Variants in ICE1 observed in about 807,000 individuals in gnomAD.
ICE1 encodes the protein little elongation complex subunit 1.
In ICE1, 64 loss-of-function variants were observed where a neutral mutation model predicts 192.7. The ratio of observed to expected loss-of-function variants is 0.33; its 90% CI spans 0.27 to 0.41. ICE1 has a LOEUF of 0.41. Ranked by LOEUF, ICE1 falls within the 10% of genes least tolerant of loss-of-function variation. The pLI, the probability that ICE1 is intolerant of heterozygous loss-of-function variation, is 1.00. For missense variants in ICE1, 2,708 were observed against 2,696.0 expected (o/e 1.00, Z -0.10); for synonymous variants, 1,010 against 984.5 (o/e 1.03, Z -0.49).
At chr5:5,482,140 G>A (rs1433364979) in intron 17 of ICE1, among the ~76,000 whole-genome samples, 1 of 152,190 alleles carries the variant, frequency 6.6e-6, no homozygotes, top group African/African-American at 2.4e-5. Flanking sequence ...AAAGAAGGAT[G>A]TGTAATTGTA....
rs1042855962 is a variant in ICE1 at position 5,463,403 on chromosome 5, G to A, written c.4069G>A (p.Asp1357Asn). The change falls in exon 13 of 19, where the codon GAT (aspartate) becomes AAT (asparagine). Residue 1357 changes from aspartate (D) to asparagine (N), a missense_variant. This residue lies in a region of ICE1 where 2,366 missense variants were observed against 2,276.6 expected (regional missense o/e 1.04). Transcript: ENST00000296564. ...EARSDAGRQT[D>N]GGEEDLPEPV... ...CCGTTCAGATGCAGGCAGGCAAACC[G>A]ATGGTGGGGAAGAAGACCTGCCAGA... The A allele has an allele frequency of 5.0e-6, 8 of 1,613,528 alleles. No individual in the cohort carries two copies. In the African/African-American group the frequency reaches 6.7e-5, roughly 13 times the overall value.
intron 14 of ICE1, 116 bp from the exon 15 acceptor site, chr5:5,468,712 C>G (rs1739065783): frequency 1.7e-6 from 1 of 571,950 alleles, no homozygotes. Context: ...TTACAGCTTC[C>G]TCCATTGCAG....
intron 14 of ICE1, among the ~76,000 whole-genome samples, chr5:5,468,494 C>T (rs1739057654): frequency 1.3e-5 from 2 of 152,192 alleles, no homozygotes; most frequent in African/African-American, 4.8e-5. Flanking sequence ...AAAAATTCTT[C>T]AAATCAGAAG....
intron 18 of ICE1, among the ~76,000 whole-genome samples, chr5:5,487,325 A>G (rs1421828694): frequency 1.3e-5 from 2 of 152,300 alleles, no homozygotes; most frequent in Middle Eastern, 3.4e-3. Flanking sequence ...CATAGCATGT[A>G]ATTTTATCTC....
intron 1 of ICE1, among the ~76,000 whole-genome samples, chr5:5,430,538 GACA>G (rs1737674046): frequency 6.6e-6 from 1 of 152,120 alleles, no homozygotes; most frequent in African/African-American, 2.4e-5. Context: ...GAGTTGTTAA[GACA>G]ACAAGTCAGC....
intron 17 of ICE1, among the ~76,000 whole-genome samples, chr5:5,480,439 G>A (rs1035832584): frequency 4.0e-5 from 6 of 151,832 alleles, no homozygotes; most frequent in Admixed American, 1.3e-4. Flanking sequence ...TAGTAGAGAC[G>A]GGGTTTCATC....
chr5:5,461,395 T>G lies in ICE1; in HGVS notation c.2061T>G (p.Ser687=). ...TKTLNTLHLQ[S]EPPECSIGGN... ...CTTTAAACACATTACATCTGCAGTC[T>G]GAGCCACCGGAGTGTTCTATAGGAG... Residue 687 remains serine (S), a synonymous_variant, in exon 13 of 19, where the codon TCT becomes TCG. Coordinates refer to ENST00000296564, the MANE Select transcript of ICE1 (RefSeq NM_015325.3). 6.2e-7 allele frequency: 1 copy of G among 1,614,006 alleles called. No individual in the cohort carries two copies. The highest frequency in any genetic ancestry group is 8.5e-7 in the Non-Finnish European group (1 of 1,179,878).
At chr5:5,441,928 C>T (rs542086165) in intron 5 of ICE1, among the ~76,000 whole-genome samples, 10 of 152,092 alleles carry the variant, frequency 6.6e-5, no homozygotes, top group East Asian at 1.9e-4. Context: ...TATAAGTAAG[C>T]GTTCAGGTTA....
chr5:5,465,292 T>C, intron 13 of ICE1, 66 bp downstream of exon 13: 4 of 1,174,304 alleles, frequency 3.4e-6, no homozygotes, highest in Admixed American at 2.7e-5. Context: ...TGCTGTTTAC[T>C]GTCAGCAAAA....
At chr5:5,443,756 A>T (rs1438195610) in intron 6 of ICE1, among the ~76,000 whole-genome samples, 1 of 152,226 alleles carries the variant, frequency 6.6e-6, no homozygotes, top group Non-Finnish European at 1.5e-5. Context: ...TAGTCATGTT[A>T]TTCACAACAA....
intron 4 of ICE1, 117 bp downstream of exon 4, chr5:5,440,030 CATAAT>C (rs139290475): frequency 1.6e-5 from 9 of 555,194 alleles, no homozygotes; most frequent in East Asian, 6.7e-5. Flanking sequence ...TAGGATTACT[CATAAT>C]ATAGAATGCT....
rs1471995056 is a variant in ICE1, at chr5:5,470,651, CTA to C, written c.6222+1665_6222+1666del. 1.4e-4 allele frequency among the ~76,000 whole-genome samples: 22 copies of C among 152,182 alleles called. 1 individual carries two copies. In the East Asian group the frequency reaches 4.3e-3, roughly 29 times the overall value. ...TGAAGAATATGTATTTTTTATATATCTATGACACATTTGCACAAATGAATGAT... is the reference window on the plus strand; with the variant it reads ...TGAAGAATATGTATTTTTTATATATCTGACACATTTGCACAAATGAATGAT... On this transcript the variant is annotated intron_variant, in intron 15 of 18. Transcript: ENST00000296564.
chr5:5,464,455 G>A lies in ICE1; in HGVS notation c.5121G>A (p.Glu1707=), dbSNP rs1251703629. The change falls in exon 13 of 19, where the codon GAG becomes GAA. Residue 1707 remains glutamate, a synonymous_variant. Transcript: ENST00000296564. This position sits in a 1 kb window ranked among gnomAD's most constrained non-coding sequence, Gnocchi z 4.0. ...SPSPSAASAS[E]RVVPSPLQFC... ...CTCCATCTGCAGCTTCAGCCAGTGA[G>A]AGGGTAGTGCCGTCTCCTCTGCAGT... 4.3e-6 allele frequency: 7 copies of A among 1,613,938 alleles called. No individual in the cohort carries two copies.
In ICE1 at chr5:5,464,124, A is replaced by C. The variant is rs10065646; in HGVS notation, c.4790A>C (p.Gln1597Pro). 8.5e-3 allele frequency: 13,716 copies of C among 1,613,456 alleles called. 831 individuals are homozygous for C. The African/African-American group carries it at 0.15, about 17-fold the overall frequency. The change falls in exon 13 of 19, where the codon CAA (glutamine) becomes CCA (proline). Residue 1597 changes from glutamine to proline, a missense_variant. Transcript: ENST00000296564. The surrounding 1 kb of genome is among the most constrained non-coding windows in gnomAD (Gnocchi z 4.0). ...FSGEKANTKT[Q>P]RSQTQTILAN... ...GGGGAAAAAGCTAATACAAAAACTC[A>C]AAGAAGCCAAACTCAGACCATTTTA...
intron 13 of ICE1, among the ~76,000 whole-genome samples, chr5:5,465,786 T>A (rs1164712991): frequency 6.6e-6 from 1 of 152,224 alleles, no homozygotes; most frequent in Non-Finnish European, 1.5e-5. Flanking sequence ...CATAAATATT[T>A]ATTTTTTTAG....
At chr5:5,431,781 C>T (rs967838331) in intron 1 of ICE1, among the ~76,000 whole-genome samples, 19 of 151,870 alleles carry the variant, frequency 1.3e-4, no homozygotes, top group Admixed American at 1.1e-3. Context: ...TATTCCAGGC[C>T]CTTTCAATTA....
In ICE1 at chr5:5,486,803, G is replaced by T. The variant is rs1381555144; in HGVS notation, c.6603G>T (p.Gln2201His). The change falls in exon 18 of 19, where the codon CAG (glutamine) becomes CAT (histidine). Residue 2201 changes from glutamine (Q) to histidine (H), a missense_variant. Physicochemically the swap from Gln to His is conservative, Grantham distance 24. This residue lies in a region of ICE1 where 342 missense variants were observed against 419.3 expected (regional missense o/e 0.82). Coordinates refer to ENST00000296564, the MANE Select transcript of ICE1 (RefSeq NM_015325.3). ...GTTCGGTTATTGGTATGTTTATACA[G>T]CATGCTCACGATGAAGGTAAAACTT... is the stretch of plus-strand genomic sequence containing the variant. ...NISSVIGMFI[Q>H]HAHDEDIPWG... 2 of 1,593,436 alleles carry T rather than the reference G, an allele frequency of 1.3e-6. No homozygotes were observed. The highest frequency in any genetic ancestry group is 1.7e-6 in the Non-Finnish European group (2 of 1,168,354).
chr5:5,423,777 A>G (rs1049907391), intron 1 of ICE1, among the ~76,000 whole-genome samples: 1 of 152,166 alleles, frequency 6.6e-6, no homozygotes, highest in South Asian at 2.1e-4. Context: ...GGTTTCAGTG[A>G]TAAAACGGAA....
chr5:5,428,971 A>G (rs1172954498), intron 1 of ICE1, among the ~76,000 whole-genome samples: 1 of 152,174 alleles, frequency 6.6e-6, no homozygotes, highest in East Asian at 1.9e-4. Context: ...CTTAGCATAT[A>G]GTTATACTCA....
Sources: allele counts gnomAD v4.1 joint callset (sites outside exome capture counted in the v4.1 genomes callset), GRCh38; gene constraint gnomAD v4.1.1; regional missense constraint gnomAD v4.1.1; non-coding constraint Gnocchi (gnomAD v3.1); transcripts MANE v1.5; gene names NCBI Gene and HGNC (gene_info 2026-07-23, HGNC 2026-07-21).